The following ZDHHC2 variants were observed in gnomAD, a reference collection of about 807,000 sequenced individuals.
ZDHHC2 encodes the protein palmitoyltransferase ZDHHC2.
ZDHHC2 carries 51 observed loss-of-function variants against 55.6 expected under a neutral mutation model. The observed-to-expected ratio is 0.92, with a 90% CI of 0.73 to 1.16. The LOEUF is 1.16. ZDHHC2 is among the 50% of genes most tolerant of loss of function. ZDHHC2 has a pLI of 0.00. For synonymous variants in ZDHHC2, 199 were observed against 152.9 expected (o/e 1.30, Z -2.22); for missense variants, 491 against 442.4 (o/e 1.11, Z -0.99).
intron 1 of ZDHHC2, among the ~76,000 whole-genome samples, chr8:17,162,440 G>A (rs1804393903): frequency 6.6e-6 from 1 of 152,164 alleles, no homozygotes; most frequent in Non-Finnish European, 1.5e-5. Context: ...CATTAAATTG[G>A]TACTTGCAGG....
intron 3 of ZDHHC2, among the ~76,000 whole-genome samples, chr8:17,192,008 A>G (rs1348782761): frequency 1.3e-5 from 2 of 151,980 alleles, no homozygotes; most frequent in African/African-American, 4.8e-5. Flanking sequence ...TTTTGAGGTA[A>G]GGTCTTGCTC....
chr8:17,202,391 A>T (rs1032011557), intron 6 of ZDHHC2, among the ~76,000 whole-genome samples: 5 of 151,612 alleles, frequency 3.3e-5, no homozygotes, highest in Non-Finnish European at 5.9e-5. Context: ...CACATAGGAA[A>T]TTTTTTTTTA....
chr8:17,186,236 T>G (rs1805702049), intron 2 of ZDHHC2, 95 bp from the exon 3 acceptor site: 2 of 758,082 alleles, frequency 2.6e-6, no homozygotes, highest in Admixed American at 3.0e-5. Context: ...TAATTGGTAA[T>G]TTGGTTATTT....
In ZDHHC2 at chr8:17,208,865, C is replaced by T. The variant is rs1022283006; in HGVS notation, c.730+773C>T. On this transcript the variant is annotated intron_variant, in intron 8 of 12. Coordinates refer to ENST00000262096, the MANE Select transcript of ZDHHC2 (RefSeq NM_016353.5). ...GGAAACCTCTAGATTTAACTTGTAG[C>T]ACTGAAAGGACTTCCCCTGGATAAT... 1.3e-5 allele frequency among the ~76,000 whole-genome samples: 2 copies of T among 152,108 alleles called. 1 individual carries two copies. Among genetic ancestry groups the T allele is most frequent in the Admixed American group, 1.3e-4 (2 of 15,248 alleles).
At chr8:17,196,040 C>A (rs891848323) in intron 4 of ZDHHC2, among the ~76,000 whole-genome samples, 1 of 152,078 alleles carries the variant, frequency 6.6e-6, no homozygotes, top group Non-Finnish European at 1.5e-5. Context: ...TTAGAACAGT[C>A]ATATAGGTGA....
rs1313724783 is a variant in ZDHHC2 at position 17,221,612 on chromosome 8, C to T, written c.*1391C>T. 1 of 152,292 alleles carries T rather than the reference C, an allele frequency of 6.6e-6. No homozygotes were observed. The highest frequency in any genetic ancestry group is 1.9e-4 in the East Asian group (1 of 5,192). 9.4% of individuals were successfully genotyped at this position (152,292 alleles called of 1,614,324 possible). A position where few individuals can be genotyped will look rare whatever the true frequency, so the allele number is the denominator to read the frequency against. On this transcript the variant is annotated 3_prime_UTR_variant, in exon 13 of 13. Coordinates refer to ENST00000262096, the MANE Select transcript of ZDHHC2 (RefSeq NM_016353.5). The stretch of plus-strand genomic sequence containing the variant: ...TTCAACACAAAATAAACTAGAAGGC[C>T]AGAGGATAATGGAATAAAAGATCAT...
chr8:17,157,150 G>A (rs1585626844), intron 1 of ZDHHC2, among the ~76,000 whole-genome samples: 2 of 152,252 alleles, frequency 1.3e-5, no homozygotes, highest in African/African-American at 2.4e-5. Context: ...CCCCTAGAGG[G>A]GCGGAAGGTC....
At chr8:17,191,583 T>G (rs1329346113) in intron 3 of ZDHHC2, among the ~76,000 whole-genome samples, 1 of 152,250 alleles carries the variant, frequency 6.6e-6, no homozygotes, top group South Asian at 2.1e-4. Context: ...TTTCTCTGCC[T>G]TGCTTATTTT....
At chr8:17,184,472 A>G (rs1805603471) in intron 1 of ZDHHC2, among the ~76,000 whole-genome samples, 1 of 152,242 alleles carries the variant, frequency 6.6e-6, no homozygotes, top group South Asian at 2.1e-4. Flanking sequence ...TGAACTCTAT[A>G]GTTGGAAGGA....
intron 1 of ZDHHC2, among the ~76,000 whole-genome samples, chr8:17,162,294 A>C (rs988065332): frequency 5.9e-5 from 9 of 152,250 alleles, no homozygotes; most frequent in African/African-American, 2.2e-4. Context: ...TTAATCTCAT[A>C]GTTTCTACTT....
chr8:17,218,641 T>A (rs1807759808), intron 12 of ZDHHC2, among the ~76,000 whole-genome samples: 1 of 152,158 alleles, frequency 6.6e-6, no homozygotes, highest in East Asian at 1.9e-4. Context: ...ATTAAAACAT[T>A]GAAATTAAAA....
At chr8:17,185,499 A>G (rs1805662287) in intron 2 of ZDHHC2, among the ~76,000 whole-genome samples, 1 of 151,960 alleles carries the variant, frequency 6.6e-6, no homozygotes, top group Admixed American at 6.6e-5. Flanking sequence ...TCTACTTAAA[A>G]AAAAAAAGAA....
intron 6 of ZDHHC2, among the ~76,000 whole-genome samples, chr8:17,201,946 G>T (rs7014882): frequency 6.6e-6 from 1 of 152,102 alleles, no homozygotes; most frequent in African/African-American, 2.4e-5. Context: ...TTACCCACCA[G>T]AATTCTGGGG....
intron 1 of ZDHHC2, among the ~76,000 whole-genome samples, chr8:17,179,999 G>C (rs1446405446): frequency 6.6e-6 from 1 of 152,172 alleles, no homozygotes; most frequent in African/African-American, 2.4e-5. Context: ...AATTAAAATT[G>C]TGATTCACAG....
chr8:17,178,220 A>C (rs1254270631), intron 1 of ZDHHC2, among the ~76,000 whole-genome samples: 1 of 152,214 alleles, frequency 6.6e-6, no homozygotes, highest in Non-Finnish European at 1.5e-5. Flanking sequence ...TAGGACAGTA[A>C]CACTTTAATA....
At chr8:17,180,269 C>T (rs532496530) in intron 1 of ZDHHC2, among the ~76,000 whole-genome samples, 5 of 152,042 alleles carry the variant, frequency 3.3e-5, no homozygotes, top group Non-Finnish European at 7.4e-5. Context: ...ACATCAAGAT[C>T]GAAGTTTTAA....
intron 1 of ZDHHC2, among the ~76,000 whole-genome samples, chr8:17,162,081 T>G (rs2150876265): frequency 6.6e-6 from 1 of 152,306 alleles, no homozygotes; most frequent in East Asian, 1.9e-4. Flanking sequence ...TTAATATAAA[T>G]GGTCAAGTCG....
intron 1 of ZDHHC2, among the ~76,000 whole-genome samples, chr8:17,175,603 TATTC>T (rs763528953): frequency 5.9e-5 from 9 of 152,208 alleles, no homozygotes; most frequent in Non-Finnish European, 1.0e-4. Flanking sequence ...CGCCAAATTC[TATTC>T]TAGGTGCTTT....
At chr8:17,205,861 A>T (rs1807076039) in intron 7 of ZDHHC2, 86 bp downstream of exon 7, 2 of 1,321,258 alleles carry the variant, frequency 1.5e-6, no homozygotes, top group South Asian at 3.0e-5. Flanking sequence ...TCCGACACTG[A>T]CTTTATAGAC....
Sources: gnomAD v4.1 joint callset for allele counts (sites outside exome capture counted in the v4.1 genomes callset) on GRCh38, gnomAD v4.1.1 for gene constraint, MANE v1.5 for transcripts, NCBI Gene and HGNC (gene_info 2026-07-23, HGNC 2026-07-21) for gene names.